Variants in TAFA2 observed in about 807,000 individuals in gnomAD.
The protein encoded by TAFA2 is TAFA chemokine like family member 2, also known as chemokine-like protein TAFA-2.
In TAFA2, 7 loss-of-function variants were observed where a neutral mutation model predicts 18.8. That is an observed-to-expected ratio of 0.37 (90% confidence interval 0.21 to 0.70). The LOEUF (loss-of-function observed/expected upper bound fraction) is 0.70, where lower values mean the gene tolerates loss of function less well. Ranked by LOEUF, TAFA2 falls within the 30% of genes least tolerant of loss-of-function variation. TAFA2 has a pLI of 0.53. For missense variants in TAFA2, 122 were observed against 158.1 expected (o/e 0.77, Z 1.23); for synonymous variants, 60 against 54.2 (o/e 1.11, Z -0.47).
intron 1 of TAFA2, chr12:62,070,308 T>C (rs1004476065): frequency 6.6e-6 from 1 of 152,156 alleles, no homozygotes; most frequent in Non-Finnish European, 1.5e-5. Flanking sequence ...TGTGTGTGTG[T>C]ATGTGAGAGA....
intron 1 of TAFA2, among the ~76,000 whole-genome samples, chr12:61,961,898 T>C (rs988380817): frequency 6.6e-6 from 1 of 152,046 alleles, no homozygotes; most frequent in Admixed American, 6.6e-5. Context: ...GCAGATCTAA[T>C]ACTTTCTCCA....
chr12:61,932,120 T>C (rs531640558), intron 1 of TAFA2, among the ~76,000 whole-genome samples: 32 of 152,314 alleles, frequency 2.1e-4, no homozygotes, highest in African/African-American at 7.2e-4. Flanking sequence ...TTACTAGTAT[T>C]CATAAATGAA....
At position 61,735,282 on chromosome 12, in the gene TAFA2, C is replaced by A. The variant is rs373775991; in HGVS notation, c.384+18340G>T. Reference sequence around the variant, plus strand: ...CATTATTGTCTTATTTTCCATTTTTCTTAATTCTTATAGTTTGGATGTATT... The same window carrying A: ...CATTATTGTCTTATTTTCCATTTTTATTAATTCTTATAGTTTGGATGTATT... On this transcript the variant is annotated intron_variant, in intron 4 of 4. Transcript: ENST00000416284. Among the ~76,000 whole-genome samples the A allele has an allele frequency of 1.9e-4, 29 of 151,966 alleles. 1 individual carries two copies. The South Asian group carries it at 5.8e-3, about 30-fold the overall frequency.
At chr12:61,922,702 G>A (rs1055235837) in intron 1 of TAFA2, among the ~76,000 whole-genome samples, 1 of 152,138 alleles carries the variant, frequency 6.6e-6, no homozygotes, top group African/African-American at 2.4e-5. Context: ...AGCTGCAGGA[G>A]TTTCTTTTCT....
intron 1 of TAFA2, among the ~76,000 whole-genome samples, chr12:62,027,739 A>C (rs1881346761): frequency 6.6e-6 from 1 of 152,158 alleles, no homozygotes; most frequent in South Asian, 2.1e-4. Flanking sequence ...TCCCTTTTAG[A>C]GATGAGAAAC....
chr12:62,087,477 G>A (rs191320728), intron 1 of TAFA2, among the ~76,000 whole-genome samples: 2 of 152,228 alleles, frequency 1.3e-5, no homozygotes, highest in Non-Finnish European at 2.9e-5. Context: ...TGACAAGAAA[G>A]AATCAGAAAG....
chr12:61,781,602 T>TACC, intron 2 of TAFA2, among the ~76,000 whole-genome samples: 1 of 151,782 alleles, frequency 6.6e-6, no homozygotes, highest in Non-Finnish European at 1.5e-5. Context: ...TTTGTGTGTG[T>TACC]ATGTGTGTGT....
chr12:61,931,020 G>A (rs1442146918), intron 1 of TAFA2, among the ~76,000 whole-genome samples: 1 of 152,206 alleles, frequency 6.6e-6, no homozygotes, highest in East Asian at 1.9e-4. Flanking sequence ...TAGACAGACA[G>A]ATGAGAGATC....
intron 2 of TAFA2, among the ~76,000 whole-genome samples, chr12:61,765,001 G>A (rs12316239): frequency 0.056 from 8,546 of 152,098 alleles, 803 homozygotes; most frequent in African/African-American, 0.19. Context: ...TCTGAAGTCA[G>A]ATGGTCTAGG....
intron 1 of TAFA2, among the ~76,000 whole-genome samples, chr12:62,156,379 C>T (rs2062369778): frequency 6.6e-6 from 1 of 152,174 alleles, no homozygotes; most frequent in African/African-American, 2.4e-5. Context: ...CTGTGGAAAA[C>T]AGTGTGGAGA....
chr12:61,799,424 C>T (rs1456805702), intron 2 of TAFA2, among the ~76,000 whole-genome samples: 2 of 152,076 alleles, frequency 1.3e-5, no homozygotes, highest in Admixed American at 1.3e-4. Flanking sequence ...AGTTAGAGCC[C>T]TTCCAAAAGG....
chr12:61,852,840 G>A lies in TAFA2; in HGVS notation c.106+14480C>T, dbSNP rs569054960. On this transcript the variant is annotated intron_variant, in intron 2 of 4. Transcript: ENST00000416284. ...GGCTTGTAGAAAGATATTGTTAAAT[G>A]AGAGGAAGATACAGTATTCTAAAAG... 5.3e-5 allele frequency among the ~76,000 whole-genome samples: 8 copies of A among 152,260 alleles called. No individual in the cohort carries two copies. The South Asian group carries it at 1.7e-3, about 32-fold the overall frequency.
chr12:62,248,794 T>C (rs919498793), intron 1 of TAFA2, among the ~76,000 whole-genome samples: 6 of 152,206 alleles, frequency 3.9e-5, no homozygotes, highest in African/African-American at 1.4e-4. Context: ...AACTTAAACA[T>C]TTTTAAGTGT....
At chr12:61,993,937 T>G (rs1032006791) in intron 1 of TAFA2, among the ~76,000 whole-genome samples, 1 of 152,120 alleles carries the variant, frequency 6.6e-6, no homozygotes, top group African/African-American at 2.4e-5. Context: ...AGCTCTCTAC[T>G]ACCACCTATA....
chr12:62,259,878 GT>G, upstream of TAFA2: 1 of 157,570 alleles, frequency 6.3e-6, no homozygotes, highest in Non-Finnish European at 1.4e-5. Flanking sequence ...GTTTCGGAGT[GT>G]TTTTTGTGTG....
intron 2 of TAFA2, among the ~76,000 whole-genome samples, chr12:61,824,441 T>A (rs560277019): frequency 7.0e-4 from 107 of 152,322 alleles, no homozygotes; most frequent in African/African-American, 2.5e-3. Context: ...TGTTGGTCTC[T>A]TCATTCCCAC....
At chr12:61,747,395 G>T (rs1476141491) in intron 4 of TAFA2, among the ~76,000 whole-genome samples, 2 of 146,696 alleles carry the variant, frequency 1.4e-5, no homozygotes, top group Admixed American at 6.8e-5. Context: ...AAATCATGCT[G>T]CTATAAAGAC....
chr12:62,192,870 C>T (rs1332880175), upstream of TAFA2: 1 of 152,146 alleles, frequency 6.6e-6, no homozygotes, highest in African/African-American at 2.4e-5. Context: ...TCTAGAGGGT[C>T]AACCGGATTA....
intron 1 of TAFA2, among the ~76,000 whole-genome samples, chr12:62,043,457 C>G (rs190865061): frequency 0.054 from 7,699 of 142,890 alleles, 285 homozygotes; most frequent in South Asian, 0.14. Context: ...ACTCCGGGGA[C>G]TGTTGTGAGG....
Sources: gnomAD v4.1 joint callset for allele counts (sites outside exome capture counted in the v4.1 genomes callset) on GRCh38, gnomAD v4.1.1 for gene constraint, MANE v1.5 for transcripts, NCBI Gene and HGNC (gene_info 2026-07-23, HGNC 2026-07-21) for gene names.